Variants in MTMR8 observed in about 807,000 individuals in gnomAD.
MTMR8 encodes phosphatidylinositol-3,5-bisphosphate 3-phosphatase MTMR8.
Under a neutral mutation model 39.3 loss-of-function variants are expected in MTMR8, and 65 were observed. The ratio of observed to expected loss-of-function variants is 1.65; its 90% CI spans 1.35 to 2.03. The LOEUF is 2.03. MTMR8 is among the 30% of genes most tolerant of loss of function. MTMR8 has a pLI of 0.00. For missense variants in MTMR8, 777 were observed against 538.9 expected (o/e 1.44, Z -4.37); for synonymous variants, 245 against 185.2 (o/e 1.32, Z -2.62).
chrX:64,283,256 A>C (rs1263437293), intron 12 of MTMR8, among the ~76,000 whole-genome samples: 1 of 111,957 alleles, frequency 8.9e-6, no homozygotes, highest in Admixed American at 9.5e-5. Flanking sequence ...TGGAACTGCA[A>C]GGCAGCAGTG....
intron 12 of MTMR8, among the ~76,000 whole-genome samples, chrX:64,320,572 T>G (rs1922610320): frequency 9.2e-6 from 1 of 108,971 alleles, no homozygotes; most frequent in Non-Finnish European, 1.9e-5. Flanking sequence ...TAAAGGCAAA[T>G]GTACTAGCCA....
At chrX:64,332,867 C>T (rs771926185) in intron 10 of MTMR8, among the ~76,000 whole-genome samples, 3 of 111,526 alleles carry the variant, frequency 2.7e-5, no homozygotes, top group Non-Finnish European at 5.7e-5. Context: ...TCACGATATC[C>T]CACTCTGAAC....
intron 12 of MTMR8, among the ~76,000 whole-genome samples, chrX:64,315,593 C>T (rs1425119251): frequency 9.0e-6 from 1 of 111,515 alleles, no homozygotes; most frequent in Non-Finnish European, 1.9e-5. Flanking sequence ...TAATGCTTCT[C>T]TTTCCATCCT....
chrX:64,331,476 C>A (rs901160841), intron 11 of MTMR8, 81 bp downstream of exon 11: 32 of 931,273 alleles, frequency 3.4e-5, no homozygotes, highest in Non-Finnish European at 4.6e-5. Context: ...GACTGCTATG[C>A]CAAATTCAGG....
At chrX:64,379,049 A>G (rs1419226715) in intron 1 of MTMR8, among the ~76,000 whole-genome samples, 1 of 112,046 alleles carries the variant, frequency 8.9e-6, no homozygotes, top group Non-Finnish European at 1.9e-5. Context: ...GGACCAATAC[A>G]TCAAAAGACA....
intron 12 of MTMR8, among the ~76,000 whole-genome samples, chrX:64,303,507 GGTGGTTAAC>G (rs1279090954): frequency 8.9e-6 from 1 of 111,977 alleles, no homozygotes; most frequent in Non-Finnish European, 1.9e-5. Flanking sequence ...AGAGGCTATT[GGTGGTTAAC>G]GTGATATATT....
chrX:64,362,890 G>C (rs1923832579), intron 1 of MTMR8, among the ~76,000 whole-genome samples: 1 of 110,492 alleles, frequency 9.1e-6, no homozygotes, highest in African/African-American at 3.3e-5. Context: ...AACTCAATAA[G>C]AAAAAGAGGC....
chrX:64,335,186 C>T (rs1923042862), intron 10 of MTMR8, among the ~76,000 whole-genome samples: 1 of 109,442 alleles, frequency 9.1e-6, no homozygotes, highest in African/African-American at 3.3e-5. Flanking sequence ...GGCTGGAGTG[C>T]AATGGCATGG....
At chrX:64,317,573 CT>C (rs747434138) in intron 12 of MTMR8, among the ~76,000 whole-genome samples, 104 of 111,661 alleles carry the variant, frequency 9.3e-4, no homozygotes, top group African/African-American at 3.3e-3. Flanking sequence ...TTTGCTGAGA[CT>C]TTTTTCATTT....
chrX:64,272,449 A>C (rs1055903304), intron 12 of MTMR8, among the ~76,000 whole-genome samples: 1 of 111,486 alleles, frequency 9.0e-6, no homozygotes, highest in African/African-American at 3.3e-5. Flanking sequence ...AAGCAGACTC[A>C]AACACAGATT....
chrX:64,392,526 T>C (rs1924714501), intron 1 of MTMR8, among the ~76,000 whole-genome samples: 1 of 111,836 alleles, frequency 8.9e-6, no homozygotes, highest in Non-Finnish European at 1.9e-5. Context: ...AGTTTACCCT[T>C]GGGAGGGGTA....
chrX:64,285,087 G>A (rs1921109420), intron 12 of MTMR8, among the ~76,000 whole-genome samples: 1 of 111,423 alleles, frequency 9.0e-6, no homozygotes, highest in South Asian at 3.8e-4. Flanking sequence ...CATCTCACGT[G>A]CAGAGACACA....
chrX:64,336,507 A>T (rs897943255), intron 9 of MTMR8, among the ~76,000 whole-genome samples: 24 of 110,684 alleles, frequency 2.2e-4, no homozygotes, highest in African/African-American at 7.9e-4. Context: ...AAAAAAAAAA[A>T]AAAATTCTAG....
chrX:64,308,425 T>C (rs1261638945), intron 12 of MTMR8, among the ~76,000 whole-genome samples: 3 of 104,025 alleles, frequency 2.9e-5, no homozygotes, highest in Non-Finnish European at 3.9e-5. Flanking sequence ...GGACTCGGCC[T>C]CCCAAAGTGC....
At chrX:64,310,236 C>G (rs1020246610) in intron 12 of MTMR8, among the ~76,000 whole-genome samples, 1 of 111,944 alleles carries the variant, frequency 8.9e-6, no homozygotes, top group Non-Finnish European at 1.9e-5. Context: ...GGAGTAAATT[C>G]CATCAAATAA....
chrX:64,271,091 G>T lies in MTMR8; in HGVS notation c.1482-18C>A, dbSNP rs181972544. The T allele has an allele frequency of 1.0e-5, 12 of 1,173,338 alleles. No homozygotes were observed. The highest frequency in any genetic ancestry group is 5.1e-5 in the Admixed American group (2 of 39,390). On this transcript the variant is annotated intron_variant, in intron 12 of 13. Transcript: ENST00000374852. ...ACCAGAACCTCAAATAGACAAAAATGGGGGGAAAAGTGGGTTAGTTTAGCT... is the reference window on the plus strand; with the variant it reads ...ACCAGAACCTCAAATAGACAAAAATTGGGGGAAAAGTGGGTTAGTTTAGCT...
chrX:64,333,076 C>T (rs1409057502), intron 10 of MTMR8, among the ~76,000 whole-genome samples: 1 of 111,545 alleles, frequency 9.0e-6, no homozygotes, highest in African/African-American at 3.3e-5. Context: ...CCTTCTAAAT[C>T]CAACCACAGA....
intron 12 of MTMR8, among the ~76,000 whole-genome samples, chrX:64,295,726 T>C: frequency 1.8e-5 from 2 of 111,192 alleles, no homozygotes; most frequent in South Asian, 7.6e-4. Context: ...CCACTAGTCA[T>C]AAGGAAAATG....
intron 6 of MTMR8, among the ~76,000 whole-genome samples, chrX:64,346,103 T>C (rs1204680932): frequency 9.0e-6 from 1 of 111,381 alleles, no homozygotes; most frequent in African/African-American, 3.3e-5. Flanking sequence ...TAAATGAGAC[T>C]TGTGGAAATA....
Sources: allele counts gnomAD v4.1 joint callset (sites outside exome capture counted in the v4.1 genomes callset), GRCh38; gene constraint gnomAD v4.1.1; transcripts MANE v1.5; gene names NCBI Gene and HGNC (gene_info 2026-07-23, HGNC 2026-07-21).